GNB1L: variants seen among roughly 807,000 people sequenced by gnomAD.
GNB1L encodes the protein guanine nucleotide-binding protein subunit beta-like protein 1.
GNB1L carries 20 observed loss-of-function variants against 29.1 expected under a neutral mutation model. That is an observed-to-expected ratio of 0.69 (90% CI 0.48 to 1.00). The LOEUF (loss-of-function observed/expected upper bound fraction) is 1.00, where lower values mean the gene tolerates loss of function less well. GNB1L is among the 50% of genes least tolerant of loss of function. The pLI is 0.00. For missense variants in GNB1L, 421 were observed against 464.9 expected, an observed-to-expected ratio of 0.91 and a Z score of 0.87; for synonymous variants, 193 against 206.5, an observed-to-expected ratio of 0.93 and a Z score of 0.56.
chr22:19,837,722 G>T (rs1274980686), intron 2 of GNB1L, among the ~76,000 whole-genome samples: 1 of 152,136 alleles, frequency 6.6e-6, no homozygotes, highest in South Asian at 2.1e-4. Context: ...CAACCCAAAT[G>T]CCCATCAACA....
intron 2 of GNB1L, among the ~76,000 whole-genome samples, chr22:19,843,360 G>A (rs905849515): frequency 1.3e-5 from 2 of 152,242 alleles, no homozygotes; most frequent in Admixed American, 6.5e-5. Flanking sequence ...GGGAGGCAGC[G>A]GCTTCAAAGA....
At chr22:19,806,803 T>C in intron 5 of GNB1L, 46 bp from the exon 6 acceptor site, 1 of 1,303,718 alleles carries the variant, frequency 7.7e-7, no homozygotes, top group Admixed American at 1.7e-5. Flanking sequence ...CCAAGTCGAG[T>C]CTGCGCTATA....
At chr22:19,836,914 A>G (rs1569052862) in intron 2 of GNB1L, among the ~76,000 whole-genome samples, 1 of 152,230 alleles carries the variant, frequency 6.6e-6, no homozygotes, top group Non-Finnish European at 1.5e-5. Flanking sequence ...TCCATAAGAT[A>G]AAAAACACAA....
intron 2 of GNB1L, among the ~76,000 whole-genome samples, chr22:19,826,777 C>T (rs1937622686): frequency 6.6e-6 from 1 of 152,170 alleles, no homozygotes; most frequent in Non-Finnish European, 1.5e-5. Context: ...AACAAACTGG[C>T]ATTGCTTATC....
chr22:19,793,053 G>A (rs554008594), intron 7 of GNB1L: 21 of 1,595,174 alleles, frequency 1.3e-5, no homozygotes, highest in Admixed American at 5.0e-5. Flanking sequence ...CGCCAAGCTC[G>A]AAAAGGCAAA....
intron 7 of GNB1L, among the ~76,000 whole-genome samples, chr22:19,800,547 A>G (rs1032022779): frequency 3.9e-5 from 6 of 152,182 alleles, no homozygotes; most frequent in Non-Finnish European, 1.5e-5. Context: ...CAGCGCCCAG[A>G]GCAGCTCAGC....
At chr22:19,838,286 C>A (rs1427421613) in intron 2 of GNB1L, among the ~76,000 whole-genome samples, 1 of 152,008 alleles carries the variant, frequency 6.6e-6, no homozygotes, top group Non-Finnish European at 1.5e-5. Context: ...GCAACTTATG[C>A]CCATAATGAA....
At chr22:19,795,705 A>G (rs1307231879) in intron 7 of GNB1L, among the ~76,000 whole-genome samples, 3 of 152,284 alleles carry the variant, frequency 2.0e-5, no homozygotes, top group Non-Finnish European at 4.4e-5. Flanking sequence ...ATGAAGACAC[A>G]GTAAGTCAAA....
intron 2 of GNB1L, among the ~76,000 whole-genome samples, chr22:19,827,887 A>G (rs1937631783): frequency 6.6e-6 from 1 of 152,244 alleles, no homozygotes; most frequent in South Asian, 2.1e-4. Flanking sequence ...TGTTCCTAGT[A>G]GTATTGGGTA....
At chr22:19,819,895 A>G (rs1207793243) in intron 4 of GNB1L, among the ~76,000 whole-genome samples, 1 of 152,104 alleles carries the variant, frequency 6.6e-6, no homozygotes, top group African/African-American at 2.4e-5. Context: ...CTGCTGTGGG[A>G]CAGCACTATA....
At chr22:19,803,373 G>A (rs1043129140) in intron 6 of GNB1L, among the ~76,000 whole-genome samples, 7 of 152,148 alleles carry the variant, frequency 4.6e-5, no homozygotes, top group Non-Finnish European at 1.0e-4. Flanking sequence ...GTCTTCTCCC[G>A]GGGCACCTCC....
chr22:19,823,190 T>C (rs1270636450), intron 2 of GNB1L, among the ~76,000 whole-genome samples: 1 of 152,194 alleles, frequency 6.6e-6, no homozygotes, highest in Non-Finnish European at 1.5e-5. Context: ...CAAGTCCCAT[T>C]TTTCCTTTTC....
In GNB1L at chr22:19,787,551, A is replaced by T. The variant is rs1937202365; in HGVS notation, c.*1158T>A. On this transcript the variant is annotated 3_prime_UTR_variant, in exon 8 of 8. Coordinates refer to ENST00000329517, the MANE Select transcript of GNB1L (RefSeq NM_053004.3). Reference sequence around the variant, plus strand: ...CTCTCAGGGTCACCCTCTGTATCTCATCCTGGGGGTCTGCTGGACTCGAGT... The same window carrying T: ...CTCTCAGGGTCACCCTCTGTATCTCTTCCTGGGGGTCTGCTGGACTCGAGT... 1.3e-5 allele frequency: 2 copies of T among 152,132 alleles called. No individual in the cohort carries two copies. Among genetic ancestry groups the T allele is most frequent in the South Asian group, 2.1e-4 (1 of 4,826 alleles). The allele number at this position is 152,132 out of a possible 1,614,324, so 9.4% of individuals were successfully genotyped here.
intron 2 of GNB1L, among the ~76,000 whole-genome samples, chr22:19,842,319 A>T (rs1937875614): frequency 1.3e-5 from 2 of 152,248 alleles, no homozygotes; most frequent in African/African-American, 4.8e-5. Context: ...TGCTGCTTCA[A>T]ACCAGGAAAC....
intron 2 of GNB1L, chr22:19,850,394 T>C: frequency 1.0e-6 from 1 of 989,202 alleles, no homozygotes; most frequent in Non-Finnish European, 1.2e-6. Flanking sequence ...TGCATGCGAG[T>C]GCGGAGTGAG....
Position 19,815,820 on chromosome 22 carries a change from C to T in GNB1L, c.255-3373G>A, listed in dbSNP as rs560102373. Among the ~76,000 whole-genome samples, 351 of 152,272 alleles carry T rather than the reference C, an allele frequency of 2.3e-3. 1 individual carries two copies. The highest frequency in any genetic ancestry group is 7.8e-3 in the African/African-American group (324 of 41,570). On this transcript the variant is annotated intron_variant, in intron 4 of 7. Transcript: ENST00000329517. ...TGGTCTCGAACTCTGGGCCCAAGCA[C>T]ACCTCAGCCTCCCTAAGTGCTGGGA...
chr22:19,802,982 C>T (rs894176816), intron 6 of GNB1L, among the ~76,000 whole-genome samples: 5 of 152,218 alleles, frequency 3.3e-5, no homozygotes, highest in African/African-American at 1.2e-4. Context: ...CCCAGAGAAA[C>T]CTGGCATGGC....
intron 4 of GNB1L, among the ~76,000 whole-genome samples, 171 bp downstream of exon 4, chr22:19,820,427 C>T (rs1220159748): frequency 6.6e-6 from 1 of 152,204 alleles, no homozygotes; most frequent in Non-Finnish European, 1.5e-5. Flanking sequence ...GCCTGCCTCC[C>T]TGTGACAAGG....
chr22:19,852,465 G>A (rs897660150), intron 2 of GNB1L: 15 of 597,588 alleles, frequency 2.5e-5, no homozygotes, highest in South Asian at 1.2e-4. Flanking sequence ...ACTGTCAGTC[G>A]CAGGCCATCA....
Sources: allele counts gnomAD v4.1 joint callset (sites outside exome capture counted in the v4.1 genomes callset), GRCh38; gene constraint gnomAD v4.1.1; transcripts MANE v1.5; gene names NCBI Gene and HGNC (gene_info 2026-07-23, HGNC 2026-07-21).